BCL2L13: variants seen among roughly 807,000 people sequenced by gnomAD.
BCL2L13 encodes the protein bcl-2-like protein 13.
Under a neutral mutation model 25.8 loss-of-function variants are expected in BCL2L13, and 13 were observed. The ratio of observed to expected loss-of-function variants is 0.50; its 90% CI spans 0.33 to 0.80. BCL2L13 has a LOEUF of 0.80. Among genes scored for constraint, BCL2L13 ranks in the 30% least tolerant of loss-of-function variants. The probability of loss-of-function intolerance (pLI) is 0.02; values close to 1 mark genes in which losing one functional copy is unlikely to be tolerated. For synonymous variants in BCL2L13, 244 were observed against 230.3 expected (o/e 1.06, Z -0.54); for missense variants, 504 against 574.9 (o/e 0.88, Z 1.26).
chr22:17,642,012 G>T (rs2058306956), intron 1 of BCL2L13, among the ~76,000 whole-genome samples: 1 of 151,768 alleles, frequency 6.6e-6, no homozygotes, highest in African/African-American at 2.4e-5. Flanking sequence ...TGTTAGCCAG[G>T]ATGGTCTCCA....
chr22:17,718,092 G>A (rs1253881852), intron 6 of BCL2L13, among the ~76,000 whole-genome samples: 1 of 145,492 alleles, frequency 6.9e-6, no homozygotes, highest in Non-Finnish European at 1.5e-5. Context: ...GGCTCGAAAA[G>A]AAGAGAAGAG....
Position 17,725,187 on chromosome 22 carries a change from C to T in BCL2L13, c.601-1490C>T, listed in dbSNP as rs930655804. On this transcript the variant is annotated intron_variant, in intron 6 of 6. Coordinates refer to ENST00000317582, the MANE Select transcript of BCL2L13 (RefSeq NM_015367.4). ...CTCTGCCATCAGAGGAATTTTAAAG[C>T]AAAGCTCTGATTATAATTTTGTACC... is the stretch of plus-strand genomic sequence containing the variant. 2.6e-5 allele frequency among the ~76,000 whole-genome samples: 4 copies of T among 152,220 alleles called. 1 individual carries two copies. Among genetic ancestry groups the T allele is most frequent in the Non-Finnish European group, 4.4e-5 (3 of 68,028 alleles).
At position 17,727,403 on chromosome 22, in the gene BCL2L13, C is replaced by T; in HGVS notation, c.1327C>T (p.Leu443=). 6.2e-7 allele frequency: 1 copy of T among 1,614,250 alleles called. No homozygotes were observed. The highest frequency in any genetic ancestry group is 8.5e-7 in the Non-Finnish European group (1 of 1,180,046). Residue 443 remains leucine, a synonymous_variant, in exon 7 of 7, where the codon CTG becomes TTG. Coordinates refer to ENST00000317582, the MANE Select transcript of BCL2L13 (RefSeq NM_015367.4). ...GCCGCCGTCTGAGGGCAAGTCTAGACTGTCCCCCGCCGGTGAGATGAAGCC... is the reference window on the plus strand; with the variant it reads ...GCCGCCGTCTGAGGGCAAGTCTAGATTGTCCCCCGCCGGTGAGATGAAGCC... The part of the protein sequence containing the change: ...PVPPSEGKSR[L]SPAGEMKPMP...
At chr22:17,692,197 C>T (rs1001919958) in intron 4 of BCL2L13, among the ~76,000 whole-genome samples, 1 of 152,186 alleles carries the variant, frequency 6.6e-6, no homozygotes, top group African/African-American at 2.4e-5. Context: ...CTGCCCCGCT[C>T]TTTTCTTCTT....
intron 1 of BCL2L13, among the ~76,000 whole-genome samples, chr22:17,641,110 T>C (rs1237255533): frequency 3.3e-5 from 5 of 152,050 alleles, no homozygotes; most frequent in African/African-American, 9.7e-5. Context: ...CAGGATGGTC[T>C]CGATCTCCTG....
chr22:17,692,082 G>A (rs1199857284), intron 4 of BCL2L13, among the ~76,000 whole-genome samples: 2 of 152,168 alleles, frequency 1.3e-5, no homozygotes, highest in African/African-American at 2.4e-5. Flanking sequence ...AGGCAGTATC[G>A]TAAGGTAGAA....
rs1395854390 is a variant in BCL2L13 at position 17,659,057 on chromosome 22, A to T, written c.121+3225A>T. Among the ~76,000 whole-genome samples the T allele has an allele frequency of 2.4e-4, 11 of 46,268 alleles. 1 individual carries two copies. The highest frequency in any genetic ancestry group is 3.7e-4 in the Non-Finnish European group (9 of 24,014). 30.4% of individuals were successfully genotyped at this position (46,268 alleles called of 152,430 possible). A position where few individuals can be genotyped will look rare whatever the true frequency, so the allele number is the denominator to read the frequency against. The stretch of plus-strand genomic sequence containing the variant: ...TGGACGACAGAGCAAGACTCCATCT[A>T]AAAAAAAAAAAAAAAAAAAAAAAAA... On this transcript the variant is annotated intron_variant, in intron 2 of 6. Coordinates refer to ENST00000317582, the MANE Select transcript of BCL2L13 (RefSeq NM_015367.4).
chr22:17,640,245 T>C (rs142328776), intron 1 of BCL2L13, among the ~76,000 whole-genome samples: 8 of 152,354 alleles, frequency 5.3e-5, no homozygotes, highest in African/African-American at 1.7e-4. Flanking sequence ...ATTCTTCATT[T>C]GGTAATAGGC....
intron 6 of BCL2L13, chr22:17,706,605 T>G: frequency 9.0e-7 from 1 of 1,113,364 alleles, no homozygotes; most frequent in Non-Finnish European, 1.1e-6. Context: ...GAGTGTGGTT[T>G]TTTTCCCTCT....
At chr22:17,650,680 C>A (rs2146465231) in intron 1 of BCL2L13, among the ~76,000 whole-genome samples, 1 of 152,128 alleles carries the variant, frequency 6.6e-6, no homozygotes, top group East Asian at 1.9e-4. Context: ...TTTTGACACA[C>A]CCCTCCCATT....
At chr22:17,667,681 G>T (rs2059276068) in intron 2 of BCL2L13, among the ~76,000 whole-genome samples, 1 of 150,136 alleles carries the variant, frequency 6.7e-6, no homozygotes, top group Non-Finnish European at 1.5e-5. Flanking sequence ...GCTAATTTTT[G>T]TATTTTTAGT....
At chr22:17,696,118 G>T in intron 4 of BCL2L13, 23 bp from the exon 5 acceptor site, 1 of 1,597,500 alleles carries the variant, frequency 6.3e-7, no homozygotes, top group South Asian at 1.1e-5. Flanking sequence ...TTGTGACACA[G>T]ACTTTTAAAA....
intron 6 of BCL2L13, among the ~76,000 whole-genome samples, chr22:17,713,383 G>A (rs570701071): frequency 2.2e-4 from 34 of 151,652 alleles, no homozygotes; most frequent in Middle Eastern, 3.4e-3. Flanking sequence ...TCTTTAGTAG[G>A]TATTGTAGAA....
chr22:17,712,098 G>A (rs577053260), intron 6 of BCL2L13, among the ~76,000 whole-genome samples: 12 of 152,028 alleles, frequency 7.9e-5, no homozygotes, highest in Non-Finnish European at 1.2e-4. Context: ...GCCACTTGTA[G>A]TGAAGTAACT....
rs762285381 is a variant in BCL2L13, at chr22:17,702,404, T to C, written c.600+18T>C. ...GTGGCTGGGTATGAGCTGTTATATA[T>C]TAAAAATATTTTCTTGAAAAAAAAT... On this transcript the variant is annotated intron_variant, in intron 6 of 6. Coordinates refer to ENST00000317582, the MANE Select transcript of BCL2L13 (RefSeq NM_015367.4). 6.6e-7 allele frequency: 1 copy of C among 1,516,764 alleles called. No homozygotes were observed. Among genetic ancestry groups the C allele is most frequent in the Admixed American group, 2.4e-5 (1 of 41,530 alleles). 94.0% of individuals were successfully genotyped at this position (1,516,764 alleles called of 1,614,324 possible).
intron 6 of BCL2L13, among the ~76,000 whole-genome samples, chr22:17,715,184 T>A (rs2060911049): frequency 1.2e-5 from 1 of 85,640 alleles, no homozygotes; most frequent in Admixed American, 1.3e-4. Context: ...TTTTTTTTTT[T>A]TTTTTTTTTT....
intron 2 of BCL2L13, among the ~76,000 whole-genome samples, chr22:17,681,576 A>G (rs746410379): frequency 6.6e-6 from 1 of 152,072 alleles, no homozygotes; most frequent in African/African-American, 2.4e-5. Context: ...GAGAGGGTCC[A>G]TGAATGCCCT....
chr22:17,684,565 G>A (rs746620379), intron 3 of BCL2L13: 4 of 453,802 alleles, frequency 8.8e-6, no homozygotes, highest in South Asian at 6.2e-5. Context: ...CTATGTGGTG[G>A]TGGTGGTGGT....
rs187874587 is a variant in BCL2L13 at position 17,650,975 on chromosome 22, C to T, written c.-50-4687C>T. Among the ~76,000 whole-genome samples, 272 of 147,010 alleles carry T rather than the reference C, an allele frequency of 1.9e-3. 3 individuals are homozygous for T. Among genetic ancestry groups the T allele is most frequent in the African/African-American group, 6.1e-3 (243 of 39,700 alleles). ...ATTACAGGTGTGAGCCACCGCACCT[C>T]GTCGTCCATTCACTCCTTTTTTTTT... On this transcript the variant is annotated intron_variant, in intron 1 of 6. Coordinates refer to ENST00000317582, the MANE Select transcript of BCL2L13 (RefSeq NM_015367.4).
Sources: allele counts gnomAD v4.1 joint callset (sites outside exome capture counted in the v4.1 genomes callset), GRCh38; gene constraint gnomAD v4.1.1; transcripts MANE v1.5; gene names NCBI Gene and HGNC (gene_info 2026-07-23, HGNC 2026-07-21).